Variants in PCNT observed in about 807,000 individuals in gnomAD.
The protein encoded by PCNT is pericentrin.
PCNT carries 319 observed loss-of-function variants against 380.4 expected under a neutral mutation model. The observed-to-expected ratio is 0.84, with a 90% CI of 0.77 to 0.92. The LOEUF (loss-of-function observed/expected upper bound fraction) is 0.92, where lower values mean the gene tolerates loss of function less well. Among genes scored for constraint, PCNT ranks in the 40% least tolerant of loss-of-function variants. The pLI, the probability that PCNT is intolerant of heterozygous loss-of-function variation, is 0.00. For synonymous variants in PCNT, 1,845 were observed against 1,735.2 expected (o/e 1.06, Z -1.57); for missense variants, 4,400 against 4,255.3 (o/e 1.03, Z -0.95).
Position 46,411,961 on chromosome 21 carries a change from G to T in PCNT, c.5888G>T (p.Gly1963Val), listed in dbSNP as rs1271307759. 7 of 1,599,822 alleles carry T rather than the reference G, an allele frequency of 4.4e-6. No homozygotes were observed. Among genetic ancestry groups the T allele is most frequent in the Non-Finnish European group, 5.9e-6 (7 of 1,179,408 alleles). ...RRATAHTRVP[G>V]AHPQPRMDGG... The stretch of plus-strand genomic sequence containing the variant: ...GCCACAGCTCACACACGGGTGCCCG[G>T]GGCCCACCCACAGCCTCGCATGGAT... The change falls in exon 28 of 47, where the codon GGG (glycine) becomes GTG (valine). Residue 1963 changes from glycine (G) to valine (V), a missense_variant. Transcript: ENST00000359568.
chr21:46,348,942 C>G, intron 6 of PCNT, 70 bp from the exon 7 acceptor site: 1 of 1,071,896 alleles, frequency 9.3e-7, no homozygotes, highest in Non-Finnish European at 1.4e-6. Context: ...GAGGTTTTGA[C>G]TGTGTGATTT....
At position 46,390,670 on chromosome 21, in the gene PCNT, C is replaced by G. The variant is rs1230467846; in HGVS notation, c.3841C>G (p.Leu1281Val). 3 of 1,614,010 alleles carry G rather than the reference C, an allele frequency of 1.9e-6. No individual in the cohort carries two copies. The highest frequency in any genetic ancestry group is 2.5e-6 in the Non-Finnish European group (3 of 1,179,960). Residue 1281 changes from leucine (L) to valine (V), a missense_variant and splice_region_variant, in exon 20 of 47, where the codon CTG becomes GTG. By Grantham distance (32) the Leu-to-Val change is conservative (BLOSUM62 1). Transcript: ENST00000359568. Reference sequence around the variant, plus strand: ...TTGATTTGCAAATGTGTTTTAACAGCTGGAAGAAGCACGCCAAATTCATTC... The same window carrying G: ...TTGATTTGCAAATGTGTTTTAACAGGTGGAAGAAGCACGCCAAATTCATTC... ...MEMALDSSRQ[L>V]EEARQIHSRF...
At position 46,430,114 on chromosome 21, in the gene PCNT, C is replaced by T. The variant is rs2087686931; in HGVS notation, c.7795C>T (p.Leu2599=). 6.2e-7 allele frequency: 1 copy of T among 1,614,104 alleles called. No individual in the cohort carries two copies. The highest frequency in any genetic ancestry group is 1.7e-5 in the Admixed American group (1 of 60,012). ...GAAGGCAAACAGCGTGCAGAAGCTC[C>T]TGGCGGCGGAGCAGACTGTAGTGCG... is the stretch of plus-strand genomic sequence containing the variant. ...QEKANSVQKL[L]AAEQTVVRDL... The change falls in exon 36 of 47, where the codon CTG becomes TTG. Residue 2599 remains leucine, a synonymous_variant. Transcript: ENST00000359568.
chr21:46,408,843 C>T (rs1197581945), intron 27 of PCNT, among the ~76,000 whole-genome samples: 2 of 151,770 alleles, frequency 1.3e-5, no homozygotes, highest in African/African-American at 2.4e-5. Context: ...CTGCCTCAAC[C>T]TCCTGAGTAG....
At chr21:46,440,789 T>C in intron 42 of PCNT, 66 bp from the exon 43 acceptor site, 1 of 963,388 alleles carries the variant, frequency 1.0e-6, no homozygotes, top group Non-Finnish European at 1.7e-6. Context: ...ATGGTGTTAA[T>C]GTGCTTTTGT....
rs1469174324 is a variant in PCNT, at chr21:46,418,263, ACCT to A, written c.6988_6990del (p.Pro2330del). ...TTGATTCTCAAGAAACATTAAGTTC[ACCT>A]CCTCCTGGATTAGAAGGAAAAGCTG... is the stretch of plus-strand genomic sequence containing the variant. On this transcript the variant is annotated inframe_deletion, in exon 31 of 47. Transcript: ENST00000359568. 3 of 1,609,368 alleles carry A rather than the reference ACCT, an allele frequency of 1.9e-6. No individual in the cohort carries two copies. Among genetic ancestry groups the A allele is most frequent in the Non-Finnish European group, 2.6e-6 (3 of 1,175,762 alleles).
rs757143205 is a variant in PCNT, at chr21:46,411,183, C to G, written c.5116-6C>G. The stretch of plus-strand genomic sequence containing the variant: ...AATTTGCCTCTGAAATGTCCTCTCT[C>G]TTCAGGTCATATATACCAGAAGTTC... On this transcript the variant is annotated splice_polypyrimidine_tract_variant and splice_region_variant and intron_variant, in intron 27 of 46. Coordinates refer to ENST00000359568, the MANE Select transcript of PCNT (RefSeq NM_006031.6). 1 of 1,613,660 alleles carries G rather than the reference C, an allele frequency of 6.2e-7. No individual in the cohort carries two copies. Among genetic ancestry groups the G allele is most frequent in the Non-Finnish European group, 8.5e-7 (1 of 1,179,750 alleles).
intron 39 of PCNT, among the ~76,000 whole-genome samples, chr21:46,436,751 G>A (rs536150716): frequency 1.2e-4 from 19 of 152,276 alleles, no homozygotes; most frequent in African/African-American, 4.8e-5. Context: ...TCCCGTGCTC[G>A]GTGGCGCGCC....
At chr21:46,399,442 C>T (rs1429766138) in intron 24 of PCNT, 148 bp from the exon 25 acceptor site, 8 of 673,160 alleles carry the variant, frequency 1.2e-5, no homozygotes, top group Admixed American at 6.8e-5. Context: ...TCTCCCTGTG[C>T]AGCCTGTGAG....
In PCNT at chr21:46,402,520, T is replaced by C. The variant is rs540326743; in HGVS notation, c.5115+37T>C. On this transcript the variant is annotated intron_variant, in intron 27 of 46. Transcript: ENST00000359568. ...AAGGTCCACGTGACGCCCGAGTTCA[T>C]GTTGCTTATGCCGGTGCCGAGCGGC... 39 of 1,611,288 alleles carry C rather than the reference T, an allele frequency of 2.4e-5. 1 individual carries two copies. The South Asian group carries it at 3.8e-4, about 16-fold the overall frequency.
At chr21:46,383,871 C>T (rs1299233564) in intron 16 of PCNT, among the ~76,000 whole-genome samples, 2 of 143,438 alleles carry the variant, frequency 1.4e-5, no homozygotes, top group African/African-American at 2.6e-5. Context: ...GTGACGGAAG[C>T]GCATTCACGG....
At chr21:46,370,456 A>T (rs1569212112) in intron 15 of PCNT, among the ~76,000 whole-genome samples, 2 of 141,748 alleles carry the variant, frequency 1.4e-5, no homozygotes, top group Admixed American at 7.0e-5. Context: ...GGGGATAGTG[A>T]GGGGTGCCTG....
chr21:46,373,164 AT>A (rs1328014293), intron 15 of PCNT, among the ~76,000 whole-genome samples: 1 of 151,250 alleles, frequency 6.6e-6, no homozygotes, highest in Non-Finnish European at 1.5e-5. Context: ...GGGACTACAG[AT>A]GTGCACCACC....
intron 11 of PCNT, 70 bp downstream of exon 11, chr21:46,354,138 T>A: frequency 3.0e-6 from 4 of 1,322,240 alleles, no homozygotes; most frequent in Admixed American, 1.7e-5. Context: ...GTCTTCCACA[T>A]TATAGAGCCT....
At chr21:46,439,386 G>A (rs920881369) in intron 41 of PCNT, among the ~76,000 whole-genome samples, 11 of 152,108 alleles carry the variant, frequency 7.2e-5, no homozygotes, top group African/African-American at 2.7e-4. Context: ...TCCCAGGCTG[G>A]AGTGCAGTGG....
At chr21:46,381,196 C>CTGTGTGTG (rs10523538) in intron 15 of PCNT, among the ~76,000 whole-genome samples, 3 of 122,236 alleles carry the variant, frequency 2.5e-5, no homozygotes, top group African/African-American at 9.3e-5. Flanking sequence ...AAAAAAATCT[C>CTGTGTGTG]TGTGTGTGTG....
chr21:46,429,864 G>T (rs908978631), intron 35 of PCNT, 146 bp from the exon 36 acceptor site: 2 of 663,728 alleles, frequency 3.0e-6, no homozygotes, highest in South Asian at 1.9e-5. Context: ...GGTTCCACCC[G>T]CAGTGAAAGC....
At chr21:46,402,958 A>G (rs1296086724) in intron 27 of PCNT, among the ~76,000 whole-genome samples, 1 of 152,224 alleles carries the variant, frequency 6.6e-6, no homozygotes, top group East Asian at 1.9e-4. Flanking sequence ...CTATTTTTAA[A>G]TCTTTTATTT....
intron 13 of PCNT, among the ~76,000 whole-genome samples, chr21:46,359,480 G>T (rs1041712225): frequency 9.6e-4 from 63 of 65,694 alleles, no homozygotes; most frequent in Admixed American, 1.4e-3. Flanking sequence ...AAATACACCT[G>T]TTTTTTTTTT....
Sources: allele counts gnomAD v4.1 joint callset (sites outside exome capture counted in the v4.1 genomes callset), GRCh38; gene constraint gnomAD v4.1.1; transcripts MANE v1.5; gene names NCBI Gene and HGNC (gene_info 2026-07-23, HGNC 2026-07-21).